Variants in ARHGEF7 observed in about 807,000 individuals in gnomAD.
The protein encoded by ARHGEF7 is PAK-interacting exchange factor beta.
A neutral mutation model predicts 109.8 loss-of-function variants in ARHGEF7; 33 were observed. The observed-to-expected ratio is 0.30, with a 90% CI of 0.23 to 0.40. The LOEUF is 0.40. Among genes scored for constraint, ARHGEF7 ranks in the 10% least tolerant of loss-of-function variants. ARHGEF7 has a pLI of 1.00. For missense variants in ARHGEF7, 938 were observed against 1,098.5 expected, an observed-to-expected ratio of 0.85 and a Z score of 2.07; for synonymous variants, 458 against 424.6, an observed-to-expected ratio of 1.08 and a Z score of -0.97.
chr13:111,253,383 TAGAA>T (rs1566969384), intron 8 of ARHGEF7, among the ~76,000 whole-genome samples: 1 of 152,232 alleles, frequency 6.6e-6, no homozygotes, highest in Non-Finnish European at 1.5e-5. Context: ...TAGTTTATGA[TAGAA>T]AGGAGGTTAA....
chr13:111,273,745 G>A lies in ARHGEF7; in HGVS notation c.1074-69G>A. The A allele has an allele frequency of 6.3e-7, 1 of 1,590,726 alleles. No homozygotes were observed. Among genetic ancestry groups the A allele is most frequent in the Non-Finnish European group, 8.6e-7 (1 of 1,160,688 alleles). On this transcript the variant is annotated intron_variant, in intron 9 of 21. Transcript: ENST00000646102. This position sits in a 1 kb window ranked among gnomAD's most constrained non-coding sequence, Gnocchi z 4.5. The stretch of plus-strand genomic sequence containing the variant: ...TTCATAAATTCTGGCTGTTGCTCAT[G>A]GAGATGAGAGAGCCACCATTGTCTC...
rs567886744 is a variant in ARHGEF7 at position 111,203,224 on chromosome 13, A to G, written c.253-2065A>G. The G allele has an allele frequency of 5.1e-6, 3 of 583,672 alleles. No homozygotes were observed. The South Asian group carries it at 6.7e-5, about 13-fold the overall frequency. The allele number at this position is 583,672 out of a possible 1,614,324, so 36.2% of individuals were successfully genotyped here. ...CTAAGATTAGATCTGTAGAGCTGAAAGACATTCAGATCTCCTATTTAAAAA... is the reference window on the plus strand; with the variant it reads ...CTAAGATTAGATCTGTAGAGCTGAAGGACATTCAGATCTCCTATTTAAAAA... On this transcript the variant is annotated intron_variant, in intron 2 of 21. Coordinates refer to ENST00000646102, the MANE Select transcript of ARHGEF7 (RefSeq NM_001354046.2).
At chr13:111,295,269 A>G (rs893787244) in intron 19 of ARHGEF7, 1 of 905,098 alleles carries the variant, frequency 1.1e-6, no homozygotes, top group African/African-American at 1.8e-5. Flanking sequence ...TGGCTCTTCT[A>G]CCTGAACGGA....
At chr13:111,212,767 C>G (rs529272956) in intron 4 of ARHGEF7, among the ~76,000 whole-genome samples, 3 of 152,100 alleles carry the variant, frequency 2.0e-5, no homozygotes, top group African/African-American at 7.2e-5. Flanking sequence ...TTTTCATATA[C>G]CATATTTTGT....
intron 3 of ARHGEF7, among the ~76,000 whole-genome samples, chr13:111,206,725 G>T (rs1555365618): frequency 6.6e-6 from 1 of 152,086 alleles, no homozygotes; most frequent in Admixed American, 6.5e-5. Flanking sequence ...ACTTTGGGAG[G>T]CCGAGGCGGG....
chr13:111,172,731 A>G (rs778194412), intron 2 of ARHGEF7, among the ~76,000 whole-genome samples: 53 of 152,238 alleles, frequency 3.5e-4, no homozygotes, highest in Non-Finnish European at 6.9e-4. Flanking sequence ...AGTTTTCTGT[A>G]AAAAGCTAGA....
Position 111,115,626 on chromosome 13 carries a change from T to G in ARHGEF7, c.100T>G (p.Ser34Ala). The change falls in exon 1 of 22, where the codon TCG becomes GCG. Residue 34 changes from serine to alanine, a missense_variant. Physicochemically the swap from Ser to Ala is moderately conservative, Grantham distance 99. Transcript: ENST00000646102. ...GGACCCGGAGGGCTTTCTGCAGGCGTCGCTGAAGGATGGGGTGGTCCTCTG... is the reference window on the plus strand; with the variant it reads ...GGACCCGGAGGGCTTTCTGCAGGCGGCGCTGAAGGATGGGGTGGTCCTCTG... Reference protein sequence around the residue: ...ISDPEGFLQASLKDGVVLCRL... With the variant: ...ISDPEGFLQAALKDGVVLCRL... 7.1e-7 allele frequency: 1 copy of G among 1,399,344 alleles called. No individual in the cohort carries two copies. Among genetic ancestry groups the G allele is most frequent in the Middle Eastern group, 2.0e-4 (1 of 5,112 alleles). 86.7% of individuals were successfully genotyped at this position (1,399,344 alleles called of 1,614,324 possible).
At chr13:111,175,996 G>A (rs779301089) in intron 2 of ARHGEF7, among the ~76,000 whole-genome samples, 2 of 152,164 alleles carry the variant, frequency 1.3e-5, no homozygotes, top group African/African-American at 4.8e-5. Flanking sequence ...TCACTGTCAC[G>A]AGAAGAGCAT....
rs2081654053 is a variant in ARHGEF7, at chr13:111,205,154, T to G, written c.253-135T>G. The G allele has an allele frequency of 8.1e-6, 5 of 613,600 alleles. No homozygotes were observed. In the Admixed American group the frequency reaches 1.8e-4, roughly 22 times the overall value. The allele number at this position is 613,600 out of a possible 1,614,324, so 38.0% of individuals were successfully genotyped here. ...CTCAGGACTGAGAGACTGAGCGTGC[T>G]GGTCTCCCTGTCGCAGGTTGTGCGG... On this transcript the variant is annotated intron_variant, in intron 2 of 21. Coordinates refer to ENST00000646102, the MANE Select transcript of ARHGEF7 (RefSeq NM_001354046.2).
At chr13:111,133,067 T>C (rs2074854723) in intron 1 of ARHGEF7, among the ~76,000 whole-genome samples, 1 of 152,258 alleles carries the variant, frequency 6.6e-6, no homozygotes, top group East Asian at 1.9e-4. Flanking sequence ...TGCACACATA[T>C]ACACATGTAT....
intron 21 of ARHGEF7, among the ~76,000 whole-genome samples, chr13:111,302,172 C>T (rs971364174): frequency 3.3e-5 from 5 of 152,178 alleles, no homozygotes; most frequent in South Asian, 2.1e-4. Flanking sequence ...GCCAGGTTAG[C>T]GAGCCAGAAG....
intron 2 of ARHGEF7, among the ~76,000 whole-genome samples, chr13:111,163,138 C>G (rs1382562670): frequency 6.6e-6 from 1 of 152,112 alleles, no homozygotes; most frequent in Non-Finnish European, 1.5e-5. Context: ...GAAGCTTATT[C>G]CTGTGTAGGA....
At chr13:111,137,018 A>C (rs535722713) in intron 1 of ARHGEF7, among the ~76,000 whole-genome samples, 1 of 152,348 alleles carries the variant, frequency 6.6e-6, no homozygotes, top group African/African-American at 2.4e-5. Context: ...ATTCCTCAAC[A>C]CATACACCCT....
At chr13:111,122,292 G>C (rs1048562571) in intron 1 of ARHGEF7, among the ~76,000 whole-genome samples, 1 of 152,172 alleles carries the variant, frequency 6.6e-6, no homozygotes, top group East Asian at 1.9e-4. Context: ...CAGCAGGGCC[G>C]GGAGTCAGAG....
chr13:111,304,432 A>G lies in ARHGEF7; in HGVS notation c.*1319A>G, dbSNP rs1007322569. On this transcript the variant is annotated 3_prime_UTR_variant, in exon 22 of 22. Coordinates refer to ENST00000646102, the MANE Select transcript of ARHGEF7 (RefSeq NM_001354046.2). ...CTGTGAAAAGGTTGGTTTTAAAGTG[A>G]GATACACTTTTCCGTAGAACAAGTG... 2 of 152,196 alleles carry G rather than the reference A, an allele frequency of 1.3e-5. No individual in the cohort carries two copies. The highest frequency in any genetic ancestry group is 2.9e-5 in the Non-Finnish European group (2 of 68,026). 9.4% of individuals were successfully genotyped at this position (152,196 alleles called of 1,614,324 possible).
At position 111,303,170 on chromosome 13, in the gene ARHGEF7, C is replaced by A; in HGVS notation, c.*57C>A. 6.8e-7 allele frequency: 1 copy of A among 1,471,786 alleles called. No individual in the cohort carries two copies. The highest frequency in any genetic ancestry group is 1.2e-5 in the South Asian group (1 of 83,670). 91.2% of individuals were successfully genotyped at this position (1,471,786 alleles called of 1,614,324 possible). A position where few individuals can be genotyped will look rare whatever the true frequency, so the allele number is the denominator to read the frequency against. ...AGTTCTGAGGTGAAGCTGGGCACCC[C>A]TGACCCAAGTCGGGGTGCACTCAGG... On this transcript the variant is annotated 3_prime_UTR_variant, in exon 22 of 22. Transcript: ENST00000646102.
chr13:111,292,557 G>T, intron 19 of ARHGEF7: 1 of 1,368,656 alleles, frequency 7.3e-7, no homozygotes, highest in Non-Finnish European at 9.4e-7. Context: ...GCCTACATCC[G>T]AGGGTGCTCT....
rs1595033546 is a variant in ARHGEF7, at chr13:111,235,568, T to C, written c.759+2275T>C. Among the ~76,000 whole-genome samples, 8 of 152,360 alleles carry C rather than the reference T, an allele frequency of 5.3e-5. 2 individuals are homozygous for C. Among genetic ancestry groups the C allele is most frequent in the Admixed American group, 5.2e-4 (8 of 15,310 alleles). On this transcript the variant is annotated intron_variant, in intron 6 of 21. Transcript: ENST00000646102. ...GCACATGGTAAAATTACAGTTGTTA[T>C]AGAAATAAACTCATAGAATTCATAG... is the stretch of plus-strand genomic sequence containing the variant.
intron 8 of ARHGEF7, among the ~76,000 whole-genome samples, chr13:111,252,978 G>A (rs1159539813): frequency 6.6e-6 from 1 of 152,224 alleles, no homozygotes; most frequent in East Asian, 1.9e-4. Flanking sequence ...CAGCCCCAGC[G>A]AGAGCCCCCA....
Sources: allele counts gnomAD v4.1 joint callset (sites outside exome capture counted in the v4.1 genomes callset), GRCh38; gene constraint gnomAD v4.1.1; non-coding constraint Gnocchi (gnomAD v3.1); transcripts MANE v1.5; gene names NCBI Gene and HGNC (gene_info 2026-07-23, HGNC 2026-07-21).